The following ASH1L variants were observed in gnomAD, a reference collection of about 807,000 sequenced individuals.
The protein encoded by ASH1L is ASH1 like histone lysine methyltransferase.
ASH1L carries 23 observed loss-of-function variants against 269.0 expected under a neutral mutation model. The ratio of observed to expected loss-of-function variants is 0.09; its 90% CI spans 0.06 to 0.12. The LOEUF is 0.12. ASH1L is among the 10% of genes least tolerant of loss of function. The pLI is 1.00. For synonymous variants in ASH1L, 1,187 were observed against 1,253.5 expected, an observed-to-expected ratio of 0.95 and a Z score of 1.12; for missense variants, 2,912 against 3,567.8, an observed-to-expected ratio of 0.82 and a Z score of 4.68.
At chr1:155,410,112 G>A (rs1023271385) in intron 6 of ASH1L, among the ~76,000 whole-genome samples, 2 of 151,642 alleles carry the variant, frequency 1.3e-5, no homozygotes, top group South Asian at 2.1e-4. Context: ...AAAAAAGTTC[G>A]TATTATTTTC....
Position 155,438,533 on chromosome 1 carries a change from G to A in ASH1L, c.5622C>T (p.Asn1874=). The stretch of plus-strand genomic sequence containing the variant: ...CTTCCTCGTCTCTGTTCAATTCTGG[G>A]TTGACAAACTGAGCAGCCTGGAATG... ...MQAFQAAQFV[N]PELNRDEEGA... Residue 1874 remains asparagine (N), a synonymous_variant, in exon 5 of 28, where the codon AAC becomes AAT. Coordinates refer to ENST00000392403, the MANE Select transcript of ASH1L (RefSeq NM_018489.3). 1 of 1,613,504 alleles carries A rather than the reference G, an allele frequency of 6.2e-7. No individual in the cohort carries two copies. The highest frequency in any genetic ancestry group is 1.3e-5 in the African/African-American group (1 of 75,006).
At chr1:155,398,364 T>C (rs1658538622) in intron 6 of ASH1L, among the ~76,000 whole-genome samples, 2 of 152,338 alleles carry the variant, frequency 1.3e-5, no homozygotes, top group African/African-American at 4.8e-5. Flanking sequence ...ACCTAGATGG[T>C]ATAGCTTATA....
chr1:155,452,823 C>A (rs1206307646), intron 4 of ASH1L, among the ~76,000 whole-genome samples: 1 of 152,172 alleles, frequency 6.6e-6, no homozygotes, highest in Non-Finnish European at 1.5e-5. Context: ...TCCCAATGTG[C>A]TGGGATAACA....
chr1:155,482,225 A>G lies in ASH1L; in HGVS notation c.645T>C (p.Ser215=), dbSNP rs1323247360. ...TCAGCTGTGCCAACTTTTCTGTTAC[A>G]CTAGTTCCTCCATTAAGTAATGCTC... ...KDRALLNGGT[S]VTEKLAQLIA... Residue 215 remains serine (S), a synonymous_variant, in exon 3 of 28, where the codon AGT becomes AGC. Transcript: ENST00000392403. 1 of 1,614,164 alleles carries G rather than the reference A, an allele frequency of 6.2e-7. No homozygotes were observed. Among genetic ancestry groups the G allele is most frequent in the Non-Finnish European group, 8.5e-7 (1 of 1,180,012 alleles).
chr1:155,485,923 G>A (rs1377278499), intron 2 of ASH1L, among the ~76,000 whole-genome samples: 1 of 149,122 alleles, frequency 6.7e-6, no homozygotes, highest in African/African-American at 2.5e-5. Flanking sequence ...CTATGTTTTT[G>A]TATTAAATTT....
At position 155,510,180 on chromosome 1, in the gene ASH1L, C is replaced by G. The variant is rs545889099; in HGVS notation, c.420+10920G>C. Among the ~76,000 whole-genome samples, 4 of 151,970 alleles carry G rather than the reference C, an allele frequency of 2.6e-5. No homozygotes were observed. The South Asian group carries it at 6.2e-4, about 24-fold the overall frequency. On this transcript the variant is annotated intron_variant, in intron 2 of 27. Coordinates refer to ENST00000392403, the MANE Select transcript of ASH1L (RefSeq NM_018489.3). ...CCTATAATCCCAGCACTTTGAGAGG[C>G]TGAGGCGGACGGATCACAAGGTCAG... is the stretch of plus-strand genomic sequence containing the variant.
rs1162942621 is a variant in ASH1L at position 155,480,552 on chromosome 1, T to A, written c.2318A>T (p.Asp773Val). ...CTTTGGCAATCGGCGTTTAAGGAAG[T>A]CATGATCTACAAATGAAGGGGGTCC... ...NIGPPSFVDH[D>V]FLKRRLPKLS... The change falls in exon 3 of 28, where the codon GAC becomes GTC. Residue 773 changes from aspartate to valine, a missense_variant. Around this residue, in one of 13 missense-constraint regions of ASH1L, gnomAD observed 715 missense variants for 721.0 expected, o/e 0.99. Coordinates refer to ENST00000392403, the MANE Select transcript of ASH1L (RefSeq NM_018489.3). The A allele has an allele frequency of 6.2e-7, 1 of 1,614,002 alleles. No individual in the cohort carries two copies. The highest frequency in any genetic ancestry group is 8.5e-7 in the Non-Finnish European group (1 of 1,179,994).
intron 5 of ASH1L, chr1:155,434,021 CGGTGCCAGAAA>C: frequency 6.3e-7 from 1 of 1,589,866 alleles, no homozygotes; most frequent in Non-Finnish European, 8.6e-7. Flanking sequence ...GTTCTGTAAC[CGGTGCCAGAAA>C]GGCAAGCAAT....
rs1011804415 is a variant in ASH1L, at chr1:155,445,876, T to G, written c.5087-6808A>C. ...GTACATAGATTGTGTGTGTGTGTGT[T>G]TGTGTGTGTGTACATTTTTTATTTT... On this transcript the variant is annotated intron_variant, in intron 4 of 27. Coordinates refer to ENST00000392403, the MANE Select transcript of ASH1L (RefSeq NM_018489.3). Among the ~76,000 whole-genome samples the G allele has an allele frequency of 5.3e-5, 8 of 151,882 alleles. No homozygotes were observed. The East Asian group carries it at 1.2e-3, about 22-fold the overall frequency.
At chr1:155,557,042 A>T (rs941480628) in intron 1 of ASH1L, among the ~76,000 whole-genome samples, 2 of 152,048 alleles carry the variant, frequency 1.3e-5, no homozygotes, top group African/African-American at 2.4e-5. Flanking sequence ...TCTCAAAAAA[A>T]TTTTTTTAAT....
At chr1:155,446,894 C>T (rs183094916) in intron 4 of ASH1L, among the ~76,000 whole-genome samples, 96 of 152,248 alleles carry the variant, frequency 6.3e-4, no homozygotes, top group African/African-American at 2.3e-3. Flanking sequence ...TGAGCCACCG[C>T]GCCCGGCGCT....
intron 4 of ASH1L, among the ~76,000 whole-genome samples, chr1:155,449,522 G>GTT (rs931941166): frequency 2.5e-4 from 34 of 134,862 alleles, no homozygotes; most frequent in Non-Finnish European, 3.1e-4. Context: ...AAATGTGGTT[G>GTT]TTTTTTTTTT....
At chr1:155,505,334 C>A (rs1263233150) in intron 2 of ASH1L, among the ~76,000 whole-genome samples, 5 of 152,112 alleles carry the variant, frequency 3.3e-5, no homozygotes, top group African/African-American at 4.8e-5. Context: ...TCTTGCTCAC[C>A]ACCTTCTCCA....
chr1:155,346,240 A>C (rs1211075101), intron 21 of ASH1L, 143 bp downstream of exon 21: 1 of 1,555,824 alleles, frequency 6.4e-7, no homozygotes, highest in African/African-American at 1.4e-5. Flanking sequence ...TATGACCCTT[A>C]ATGTAAAGTT....
chr1:155,542,681 ATTTT>A (rs139373080), intron 1 of ASH1L, among the ~76,000 whole-genome samples: 1 of 127,284 alleles, frequency 7.9e-6, no homozygotes, highest in Non-Finnish European at 1.7e-5. Context: ...TAATTAATTA[ATTTT>A]TTTTTTTTTT....
chr1:155,387,682 A>G (rs1364402195), intron 7 of ASH1L, among the ~76,000 whole-genome samples: 2 of 152,128 alleles, frequency 1.3e-5, no homozygotes, highest in African/African-American at 4.8e-5. Flanking sequence ...AAGAATTTCA[A>G]TGGTAGTTTA....
At chr1:155,362,790 A>G (rs893510312) in intron 12 of ASH1L, among the ~76,000 whole-genome samples, 1 of 152,170 alleles carries the variant, frequency 6.6e-6, no homozygotes, top group Non-Finnish European at 1.5e-5. Context: ...TTATATAGCA[A>G]TTAAGTGGCA....
intron 2 of ASH1L, among the ~76,000 whole-genome samples, chr1:155,515,955 AT>A (rs1668475791): frequency 6.6e-6 from 1 of 151,988 alleles, no homozygotes; most frequent in Non-Finnish European, 1.5e-5. Flanking sequence ...AGCATGGATT[AT>A]GGACAGAAAA....
intron 6 of ASH1L, among the ~76,000 whole-genome samples, chr1:155,398,259 A>G (rs190179465): frequency 1.1e-3 from 170 of 152,366 alleles, no homozygotes; most frequent in Admixed American, 2.1e-3. Context: ...TTGCTCACAG[A>G]AACTGTTTTG....
Sources: allele counts gnomAD v4.1 joint callset (sites outside exome capture counted in the v4.1 genomes callset), GRCh38; gene constraint gnomAD v4.1.1; regional missense constraint gnomAD v4.1.1; transcripts MANE v1.5; gene names NCBI Gene and HGNC (gene_info 2026-07-23, HGNC 2026-07-21).